GPR158: variants seen among roughly 807,000 people sequenced by gnomAD.
The protein encoded by GPR158 is metabotropic glycine receptor.
In GPR158, 30 loss-of-function variants were observed where a neutral mutation model predicts 78.2. The ratio of observed to expected loss-of-function variants is 0.38; its 90% confidence interval spans 0.29 to 0.52. GPR158 has a LOEUF of 0.52. GPR158 is among the 20% of genes least tolerant of loss of function. The pLI is 0.83. For missense variants in GPR158, 1,463 were observed against 1,523.5 expected, an observed-to-expected ratio of 0.96 and a Z score of 0.66; for synonymous variants, 581 against 591.1, an observed-to-expected ratio of 0.98 and a Z score of 0.25.
intron 2 of GPR158, among the ~76,000 whole-genome samples, chr10:25,256,925 A>G (rs1853896747): frequency 1.3e-5 from 2 of 152,186 alleles, no homozygotes; most frequent in Admixed American, 6.5e-5. Context: ...AGATAAACCT[A>G]AAAGCCCTGT....
chr10:25,188,191 GA>G (rs1479098572), intron 1 of GPR158, among the ~76,000 whole-genome samples: 1 of 152,158 alleles, frequency 6.6e-6, no homozygotes, highest in African/African-American at 2.4e-5. Context: ...TCAATATCAT[GA>G]AAATGGCCAT....
intron 4 of GPR158, among the ~76,000 whole-genome samples, chr10:25,455,244 A>G (rs1445460208): frequency 6.6e-6 from 1 of 152,218 alleles, no homozygotes; most frequent in African/African-American, 2.4e-5. Flanking sequence ...AAAGGTTAGA[A>G]AGAGGTTTAG....
chr10:25,295,301 T>A (rs533548524), intron 2 of GPR158, among the ~76,000 whole-genome samples: 19 of 152,340 alleles, frequency 1.2e-4, no homozygotes, highest in Admixed American at 9.8e-4. Context: ...AGCTGGCAGC[T>A]CTACATGTAT....
chr10:25,322,878 G>A (rs1255629361), intron 2 of GPR158, among the ~76,000 whole-genome samples: 15 of 151,868 alleles, frequency 9.9e-5, no homozygotes, highest in African/African-American at 2.9e-4. Flanking sequence ...ATGGAGTCTC[G>A]CTCTGTCACC....
intron 2 of GPR158, among the ~76,000 whole-genome samples, chr10:25,333,573 C>T (rs952826832): frequency 1.3e-5 from 2 of 151,976 alleles, no homozygotes; most frequent in African/African-American, 4.8e-5. Flanking sequence ...ACGCACTTGT[C>T]CCACTGTAAC....
chr10:25,278,972 A>G (rs1247940683), intron 2 of GPR158, among the ~76,000 whole-genome samples: 5 of 152,082 alleles, frequency 3.3e-5, no homozygotes, highest in Non-Finnish European at 5.9e-5. Context: ...CAAAGAAAAT[A>G]GTATGTATGT....
At chr10:25,506,320 C>T (rs746619250) in intron 5 of GPR158, among the ~76,000 whole-genome samples, 2 of 152,190 alleles carry the variant, frequency 1.3e-5, no homozygotes, top group Non-Finnish European at 2.9e-5. Context: ...AAGTTATAGT[C>T]ATGAAGAGAT....
At chr10:25,469,228 T>G (rs1004633144) in intron 5 of GPR158, among the ~76,000 whole-genome samples, 2 of 152,188 alleles carry the variant, frequency 1.3e-5, no homozygotes, top group African/African-American at 2.4e-5. Flanking sequence ...ACTATTTATA[T>G]GCCAATGACT....
intron 2 of GPR158, among the ~76,000 whole-genome samples, chr10:25,302,238 A>ATT (rs58156960): frequency 7.7e-4 from 103 of 133,970 alleles, no homozygotes; most frequent in Middle Eastern, 4.0e-3. Flanking sequence ...TGCCTGGCTA[A>ATT]TTTTTTTTTT....
At chr10:25,464,600 T>G (rs1423280368) in intron 4 of GPR158, among the ~76,000 whole-genome samples, 1 of 152,180 alleles carries the variant, frequency 6.6e-6, no homozygotes, top group African/African-American at 2.4e-5. Context: ...GTGAGACCAT[T>G]GAAGTTCCAG....
chr10:25,447,370 C>A (rs1835151673), intron 4 of GPR158, among the ~76,000 whole-genome samples: 1 of 151,988 alleles, frequency 6.6e-6, no homozygotes, highest in Non-Finnish European at 1.5e-5. Context: ...GTGGCAGAGC[C>A]AATATGGAAA....
intron 2 of GPR158, among the ~76,000 whole-genome samples, chr10:25,250,588 A>G (rs1853780788): frequency 6.7e-6 from 1 of 149,046 alleles, no homozygotes; most frequent in Admixed American, 6.7e-5. Context: ...GTCATTCAGG[A>G]GCAGGTTGTT....
intron 1 of GPR158, among the ~76,000 whole-genome samples, chr10:25,179,329 G>A (rs1852584277): frequency 1.3e-5 from 2 of 152,070 alleles, no homozygotes; most frequent in African/African-American, 4.8e-5. Context: ...TTTGCAAAAA[G>A]TTTTATGTAT....
At chr10:25,561,727 G>A (rs532472835) in intron 6 of GPR158, among the ~76,000 whole-genome samples, 1 of 150,714 alleles carries the variant, frequency 6.6e-6, no homozygotes, top group African/African-American at 2.4e-5. Flanking sequence ...TTAATATTAA[G>A]GTCTGATTTG....
chr10:25,321,710 A>G (rs1225367629), intron 2 of GPR158, among the ~76,000 whole-genome samples: 1 of 152,196 alleles, frequency 6.6e-6, no homozygotes, highest in Admixed American at 6.5e-5. Flanking sequence ...AGATGCTTAT[A>G]TACCCTTTGG....
At position 25,362,400 on chromosome 10, in the gene GPR158, AT is replaced by A. The variant is rs773089913; in HGVS notation, c.1009-33502del. ...AAATCAGGAAGTATGAATTCTCTAA[AT>A]TTTTTTTTCTTCAATATTTTCTTGG... On this transcript the variant is annotated intron_variant, in intron 2 of 10. Coordinates refer to ENST00000376351, the MANE Select transcript of GPR158 (RefSeq NM_020752.3). 1.7e-4 allele frequency among the ~76,000 whole-genome samples: 26 copies of A among 151,168 alleles called. 1 individual carries two copies. The East Asian group carries it at 2.4e-3, about 14-fold the overall frequency.
Position 25,597,996 on chromosome 10 carries a change from G to A in GPR158, c.2370G>A (p.Lys790=), listed in dbSNP as rs758792095. ...CCAAAGGCACTGCCCTCATCAGGAA[G>A]AACCCCCCAGAGTCTTCAGGGAACA... ...GTAKGTALIR[K]NPPESSGNTG... Residue 790 remains lysine, a synonymous_variant, in exon 11 of 11, where the codon AAG becomes AAA. Transcript: ENST00000376351. The A allele has an allele frequency of 6.2e-6, 10 of 1,614,132 alleles. No individual in the cohort carries two copies. The highest frequency in any genetic ancestry group is 8.5e-6 in the Non-Finnish European group (10 of 1,180,012).
intron 2 of GPR158, among the ~76,000 whole-genome samples, chr10:25,257,821 G>T (rs1419424401): frequency 2.6e-5 from 4 of 152,080 alleles, no homozygotes; most frequent in Admixed American, 1.3e-4. Context: ...TATCACTTAC[G>T]CAAGTAGGCT....
At chr10:25,359,123 C>A (rs1012853954) in intron 2 of GPR158, among the ~76,000 whole-genome samples, 2 of 151,662 alleles carry the variant, frequency 1.3e-5, no homozygotes, top group African/African-American at 4.8e-5. Flanking sequence ...TTTTATTTTA[C>A]GACTTCTGGG....
Sources: gnomAD v4.1 joint callset for allele counts (sites outside exome capture counted in the v4.1 genomes callset) on GRCh38, gnomAD v4.1.1 for gene constraint, MANE v1.5 for transcripts, NCBI Gene and HGNC (gene_info 2026-07-23, HGNC 2026-07-21) for gene names.